Variants in MXI1 observed in about 807,000 individuals in gnomAD.
MXI1 encodes the protein max-interacting protein 1.
Under a neutral mutation model 36.9 loss-of-function variants are expected in MXI1, and 18 were observed. That is an observed-to-expected ratio of 0.49 (90% CI 0.34 to 0.72). MXI1 has a LOEUF of 0.72. Among genes scored for constraint, MXI1 ranks in the 30% least tolerant of loss-of-function variants. The pLI is 0.01. For missense variants in MXI1, 304 were observed against 379.1 expected, an observed-to-expected ratio of 0.80 and a Z score of 1.64; for synonymous variants, 160 against 146.7, an observed-to-expected ratio of 1.09 and a Z score of -0.65.
At chr10:110,257,942 CAATG>C (rs1052070272) in intron 3 of MXI1, 2 of 156,100 alleles carry the variant, frequency 1.3e-5, no homozygotes, top group African/African-American at 4.8e-5. Flanking sequence ...TTCTAATTAA[CAATG>C]AAATCTAACA....
rs140614354 is a variant in MXI1 at position 110,255,298 on chromosome 10, C to T, written c.437+10441C>T. On this transcript the variant is annotated intron_variant, in intron 3 of 5. Transcript: ENST00000332674. ...ATTTGACGCCTACTGTTGAGACATA[C>T]TACTCAGAAAATTTTTTTAAAAAAT... Among the ~76,000 whole-genome samples, 75 of 152,286 alleles carry T rather than the reference C, an allele frequency of 4.9e-4. No homozygotes were observed. The East Asian group carries it at 0.014, about 27-fold the overall frequency.
chr10:110,285,160 A>C lies in MXI1; in HGVS notation c.*173A>C, dbSNP rs558209203. On this transcript the variant is annotated 3_prime_UTR_variant, in exon 6 of 6. Coordinates refer to ENST00000332674, the MANE Select transcript of MXI1 (RefSeq NM_130439.3). ...ACCTGTATTTAAGCAAATACTTAGC[A>C]AAAAGTGGGGCAGAGCCTCCCAAGG... 3.8e-6 allele frequency: 2 copies of C among 522,682 alleles called. No homozygotes were observed. Among genetic ancestry groups the C allele is most frequent in the African/African-American group, 4.0e-5 (2 of 50,586 alleles). The allele number at this position is 522,682 out of a possible 1,614,324, so 32.4% of individuals were successfully genotyped here.
At chr10:110,266,316 G>A (rs112334921) in intron 3 of MXI1, among the ~76,000 whole-genome samples, 8,042 of 152,058 alleles carry the variant, frequency 0.053, 321 homozygotes, top group Middle Eastern at 0.15. Flanking sequence ...CACCATGCTG[G>A]CCAGGCTAGT....
At chr10:110,210,219 T>C in intron 1 of MXI1, 1 of 983,160 alleles carries the variant, frequency 1.0e-6, no homozygotes, top group Non-Finnish European at 1.2e-6. Flanking sequence ...GCCGAGGGGC[T>C]TCCTCCCAGC....
At chr10:110,239,344 A>G (rs1855583463) in intron 2 of MXI1, among the ~76,000 whole-genome samples, 1 of 152,108 alleles carries the variant, frequency 6.6e-6, no homozygotes, top group Non-Finnish European at 1.5e-5. Flanking sequence ...CTACTTTCTT[A>G]AGGTGGAATC....
chr10:110,285,044 A>G lies in MXI1; in HGVS notation c.*57A>G. On this transcript the variant is annotated 3_prime_UTR_variant, in exon 6 of 6. Coordinates refer to ENST00000332674, the MANE Select transcript of MXI1 (RefSeq NM_130439.3). ...ATATTCACTGGGCCAATTCAATACA[A>G]ACAATCTCTTAAATTGGGTTCATGA... The G allele has an allele frequency of 6.7e-7, 1 of 1,490,752 alleles. No individual in the cohort carries two copies. 92.3% of individuals were successfully genotyped at this position (1,490,752 alleles called of 1,614,324 possible). A position where few individuals can be genotyped will look rare whatever the true frequency, so the allele number is the denominator to read the frequency against.
At chr10:110,267,804 A>AT (rs1856726249) in intron 3 of MXI1, among the ~76,000 whole-genome samples, 1 of 152,182 alleles carries the variant, frequency 6.6e-6, no homozygotes, top group South Asian at 2.1e-4. Flanking sequence ...GGTCAGATGA[A>AT]TGAGGGAGCA....
At chr10:110,280,207 T>G (rs183004627) in intron 5 of MXI1, 122 bp downstream of exon 5, 288 of 790,986 alleles carry the variant, frequency 3.6e-4, no homozygotes, top group Non-Finnish European at 4.7e-4. Context: ...ATTGTAGGTT[T>G]TATGCAATCA....
intron 2 of MXI1, among the ~76,000 whole-genome samples, chr10:110,235,705 A>G (rs138537669): frequency 6.6e-6 from 1 of 150,916 alleles, no homozygotes; most frequent in African/African-American, 2.4e-5. Flanking sequence ...AAATAAATAA[A>G]TAAATAAATA....
chr10:110,285,073 A>G lies in MXI1; in HGVS notation c.*86A>G, dbSNP rs575507622. The G allele has an allele frequency of 7.6e-6, 10 of 1,319,964 alleles. No homozygotes were observed. The South Asian group carries it at 1.6e-4, about 21-fold the overall frequency. The allele number at this position is 1,319,964 out of a possible 1,614,324, so 81.8% of individuals were successfully genotyped here. The stretch of plus-strand genomic sequence containing the variant: ...ATCTCTTAAATTGGGTTCATGATGC[A>G]GTCTCCTCTTTAAAACAAAACAAAA... On this transcript the variant is annotated 3_prime_UTR_variant, in exon 6 of 6. Transcript: ENST00000332674.
chr10:110,284,368 C>A (rs1328728210), intron 5 of MXI1, among the ~76,000 whole-genome samples: 1 of 152,134 alleles, frequency 6.6e-6, no homozygotes, highest in African/African-American at 2.4e-5. Context: ...TAGAATGGCA[C>A]CACCAAAGGC....
At chr10:110,228,509 G>A (rs1207113055) in intron 2 of MXI1, among the ~76,000 whole-genome samples, 188 bp downstream of exon 2, 1 of 152,158 alleles carries the variant, frequency 6.6e-6, no homozygotes, top group Non-Finnish European at 1.5e-5. Context: ...AATATAATCT[G>A]GAAAGACAAC....
intron 1 of MXI1, among the ~76,000 whole-genome samples, chr10:110,216,663 A>ATTTTTTTT (rs1166044480): frequency 1.8e-4 from 7 of 39,446 alleles, no homozygotes; most frequent in African/African-American, 7.0e-4. Context: ...TCTGTGTTTA[A>ATTTTTTTT]TGTTTTTTTT....
chr10:110,217,693 C>T (rs1854687901), intron 1 of MXI1, among the ~76,000 whole-genome samples: 1 of 152,242 alleles, frequency 6.6e-6, no homozygotes, highest in African/African-American at 2.4e-5. Context: ...GGGAGCCAAG[C>T]TCTGTGCTTG....
intron 3 of MXI1, among the ~76,000 whole-genome samples, chr10:110,260,594 T>G (rs1856477645): frequency 6.6e-6 from 1 of 152,052 alleles, no homozygotes; most frequent in Non-Finnish European, 1.5e-5. Context: ...ATCTAAAGAT[T>G]ATTATAATAC....
In MXI1 at chr10:110,285,365, T is replaced by G. The variant is rs1234091428; in HGVS notation, c.*378T>G. On this transcript the variant is annotated 3_prime_UTR_variant, in exon 6 of 6. Transcript: ENST00000332674. ...GTAGACACATTTAAGGATGGGGTTA[T>G]GAACCCTTCCTGAGCTTTATGGTCC... The G allele has an allele frequency of 6.2e-6, 1 of 161,966 alleles. No homozygotes were observed. Among genetic ancestry groups the G allele is most frequent in the East Asian group, 1.8e-4 (1 of 5,600 alleles). The allele number at this position is 161,966 out of a possible 1,614,324, so 10.0% of individuals were successfully genotyped here.
intron 5 of MXI1, among the ~76,000 whole-genome samples, chr10:110,283,279 T>G (rs947030927): frequency 6.6e-6 from 1 of 151,514 alleles, no homozygotes; most frequent in Non-Finnish European, 1.5e-5. Context: ...TTTTTTTTTT[T>G]GAGAGAGAGT....
intron 3 of MXI1, among the ~76,000 whole-genome samples, chr10:110,253,074 T>C (rs1018782252): frequency 2.0e-5 from 3 of 152,086 alleles, no homozygotes. Flanking sequence ...AAGTTTATGC[T>C]ATACTTGTGG....
At chr10:110,229,890 C>T (rs1855199429) in intron 2 of MXI1, among the ~76,000 whole-genome samples, 1 of 151,942 alleles carries the variant, frequency 6.6e-6, no homozygotes, top group South Asian at 2.1e-4. Context: ...GAAGAGTACA[C>T]ATAGGAAACT....
Sources: allele counts gnomAD v4.1 joint callset (sites outside exome capture counted in the v4.1 genomes callset), GRCh38; gene constraint gnomAD v4.1.1; transcripts MANE v1.5; gene names NCBI Gene and HGNC (gene_info 2026-07-23, HGNC 2026-07-21).